SEC16A: variants seen among roughly 807,000 people sequenced by gnomAD.
SEC16A encodes protein transport protein Sec16A.
In SEC16A, 110 loss-of-function variants were observed where a neutral mutation model predicts 221.9. The ratio of observed to expected loss-of-function variants is 0.50; its 90% CI spans 0.42 to 0.58. The LOEUF (loss-of-function observed/expected upper bound fraction) is 0.58. Ranked by LOEUF, SEC16A falls within the 20% of genes least tolerant of loss-of-function variation. The pLI is 0.00. For synonymous variants in SEC16A, 1,393 were observed against 1,257.7 expected, an observed-to-expected ratio of 1.11 and a Z score of -2.28; for missense variants, 3,165 against 3,097.8, an observed-to-expected ratio of 1.02 and a Z score of -0.52.
At chr9:136,483,780 G>A, upstream of SEC16A, 1 of 985,484 alleles carries the variant, frequency 1.0e-6, no homozygotes, top group Non-Finnish European at 1.2e-6. Flanking sequence ...TGGGCTGGGA[G>A]GCTGGAGGGC....
chr9:136,477,467 G>C lies in SEC16A; in HGVS notation c.149C>G (p.Pro50Arg), dbSNP rs369124445. 1.9e-6 allele frequency: 3 copies of C among 1,614,016 alleles called. No individual in the cohort carries two copies. The highest frequency in any genetic ancestry group is 2.2e-5 in the South Asian group (2 of 91,088). ...ACTAAAAGCAAATGGATCCGTGACCGGCTGCAACGGGCAAGTTGTCGGAGC... is the reference window on the plus strand; with the variant it reads ...ACTAAAAGCAAATGGATCCGTGACCCGCTGCAACGGGCAAGTTGTCGGAGC... Reference protein sequence around the residue: ...AVAPTTCPLQPVTDPFAFSRQ... With the variant: ...AVAPTTCPLQRVTDPFAFSRQ... The change falls in exon 3 of 32, where the codon CCG becomes CGG. Residue 50 changes from proline (P) to arginine (R), a missense_variant. Pro to Arg is a moderately radical substitution (Grantham distance 103). Around this residue, in one of 3 missense-constraint regions of SEC16A, gnomAD observed 2,030 missense variants for 1,923.1 expected, o/e 1.06. Coordinates refer to ENST00000684901, the MANE Select transcript of SEC16A (RefSeq NM_014866.2).
Position 136,447,786 on chromosome 9 carries a change from A to G in SEC16A, c.6447+67T>C. ...GGGGCAACAGCCACCCAAATATCAC[A>G]GGGCCACATGAGGCTGTTCCCTCCA... is the stretch of plus-strand genomic sequence containing the variant. On this transcript the variant is annotated intron_variant, in intron 25 of 31. Coordinates refer to ENST00000684901, the MANE Select transcript of SEC16A (RefSeq NM_014866.2). The surrounding 1 kb of genome is among the most constrained non-coding windows in gnomAD (Gnocchi z 5.5). The G allele has an allele frequency of 1.9e-6, 3 of 1,553,546 alleles. No individual in the cohort carries two copies. The highest frequency in any genetic ancestry group is 2.6e-6 in the Non-Finnish European group (3 of 1,133,626).
Position 136,441,544 on chromosome 9 carries a change from T to A in SEC16A, c.*211A>T, listed in dbSNP as rs987504850. Reference sequence around the variant, plus strand: ...AAACAATTCTGAGTCAAAGATTCAGTCTTTCCATCCAGAATCTGAAAGGAT... The same window carrying A: ...AAACAATTCTGAGTCAAAGATTCAGACTTTCCATCCAGAATCTGAAAGGAT... On this transcript the variant is annotated 3_prime_UTR_variant, in exon 32 of 32. Transcript: ENST00000684901. 16 of 576,252 alleles carry A rather than the reference T, an allele frequency of 2.8e-5. No individual in the cohort carries two copies. The African/African-American group carries it at 3.0e-4, about 11-fold the overall frequency. The allele number at this position is 576,252 out of a possible 1,614,324, so 35.7% of individuals were successfully genotyped here. A position where few individuals can be genotyped will look rare whatever the true frequency, so the allele number is the denominator to read the frequency against.
intron 22 of SEC16A, among the ~76,000 whole-genome samples, chr9:136,452,451 A>G (rs1461115751): frequency 3.5e-4 from 33 of 93,094 alleles, no homozygotes; most frequent in Non-Finnish European, 7.0e-4. Flanking sequence ...CTCCATCTCA[A>G]AAAAAAAAAA....
rs772515056 is a variant in SEC16A at position 136,459,579 on chromosome 9, C to T, written c.5192-24G>A. 1.9e-5 allele frequency: 29 copies of T among 1,543,558 alleles called. No individual in the cohort carries two copies. Among genetic ancestry groups the T allele is most frequent in the South Asian group, 3.5e-5 (3 of 85,110 alleles). Reference sequence around the variant, plus strand: ...AGCTGCGGAGAGACGACACGACACACGGCGGGGGCTCAGCGACCGGGAGCG... The same window carrying T: ...AGCTGCGGAGAGACGACACGACACATGGCGGGGGCTCAGCGACCGGGAGCG... On this transcript the variant is annotated intron_variant, in intron 15 of 31. Coordinates refer to ENST00000684901, the MANE Select transcript of SEC16A (RefSeq NM_014866.2). This position sits in a 1 kb window ranked among gnomAD's most constrained non-coding sequence, Gnocchi z 6.1.
At chr9:136,482,352 T>C (rs1484994003) in intron 1 of SEC16A, among the ~76,000 whole-genome samples, 2 of 152,230 alleles carry the variant, frequency 1.3e-5, no homozygotes, top group Non-Finnish European at 2.9e-5. Context: ...TTACAAGCCA[T>C]TTAAAAGTGT....
In SEC16A at chr9:136,480,657, C is replaced by A. The variant is rs1017450234; in HGVS notation, c.-191-1827G>T. On this transcript the variant is annotated intron_variant, in intron 1 of 31. Coordinates refer to ENST00000684901, the MANE Select transcript of SEC16A (RefSeq NM_014866.2). Reference sequence around the variant, plus strand: ...CTGTAATCCCAGCACTTTGGGAGGCCGAGGCGGGCAGATCAAGAGGTCAGA... The same window carrying A: ...CTGTAATCCCAGCACTTTGGGAGGCAGAGGCGGGCAGATCAAGAGGTCAGA... Among the ~76,000 whole-genome samples the A allele has an allele frequency of 2.6e-5, 4 of 152,142 alleles. No individual in the cohort carries two copies. In the South Asian group the frequency reaches 8.3e-4, roughly 31 times the overall value.
At chr9:136,483,486 T>C (rs7045859), upstream of SEC16A, 36 of 795,824 alleles carry the variant, frequency 4.5e-5, no homozygotes, top group African/African-American at 6.1e-5. Flanking sequence ...CCCGCCCCCC[T>C]CCGGCGTCCG....
In SEC16A at chr9:136,457,570, G is replaced by C. The variant is rs1838858748; in HGVS notation, c.5424C>G (p.Ile1808Met). 1 of 1,610,568 alleles carries C rather than the reference G, an allele frequency of 6.2e-7. No individual in the cohort carries two copies. The highest frequency in any genetic ancestry group is 8.5e-7 in the Non-Finnish European group (1 of 1,178,188). The stretch of plus-strand genomic sequence containing the variant: ...CCATTTCCGCCAGGCGGCAGGAGTA[G>C]ATGAACTTAAACACCTGAAACGACA... ...PLPSFQVFKF[I>M]YSCRLAEMGL... Residue 1808 changes from isoleucine to methionine, a missense_variant, in exon 18 of 32, where the codon ATC (isoleucine) becomes ATG (methionine). Ile to Met is a conservative substitution (Grantham distance 10, BLOSUM62 1). Around this residue, in one of 3 missense-constraint regions of SEC16A, gnomAD observed 1,088 missense variants for 1,089.6 expected, o/e 1.00. Transcript: ENST00000684901.
chr9:136,458,671 C>A (rs560122174), intron 17 of SEC16A, among the ~76,000 whole-genome samples: 1 of 151,442 alleles, frequency 6.6e-6, no homozygotes, highest in Non-Finnish European at 1.5e-5. Context: ...CGGTGGCTCA[C>A]GCCTGTAATC....
chr9:136,468,359 G>A (rs1000414466), intron 5 of SEC16A, 56 bp downstream of exon 5: 14 of 1,088,132 alleles, frequency 1.3e-5, no homozygotes, highest in Non-Finnish European at 1.8e-5. Flanking sequence ...CATGTCATCA[G>A]TGTCTTTTGC....
At chr9:136,456,603 A>G (rs1838709373) in intron 18 of SEC16A, among the ~76,000 whole-genome samples, 1 of 152,264 alleles carries the variant, frequency 6.6e-6, no homozygotes, top group African/African-American at 2.4e-5. Flanking sequence ...GGACGCATGC[A>G]TGAATGACTC....
chr9:136,462,411 C>T (rs950502850), intron 12 of SEC16A, among the ~76,000 whole-genome samples: 1 of 152,214 alleles, frequency 6.6e-6, no homozygotes, highest in South Asian at 2.1e-4. Flanking sequence ...GCTGCTGTGA[C>T]CCCAGTCACT....
chr9:136,460,163 A>G (rs1839282971), intron 13 of SEC16A, 40 bp from the exon 14 acceptor site: 2 of 1,539,364 alleles, frequency 1.3e-6, no homozygotes, highest in East Asian at 4.8e-5. Context: ...ATGCTGGCTC[A>G]GCTAAAAGAA....
chr9:136,478,646 G>A (rs995846610), intron 2 of SEC16A, among the ~76,000 whole-genome samples, 63 bp downstream of exon 2: 1 of 151,642 alleles, frequency 6.6e-6, no homozygotes, highest in Non-Finnish European at 1.5e-5. Flanking sequence ...GACCAGCCTG[G>A]GCAACATAGC....
intron 8 of SEC16A, 116 bp from the exon 9 acceptor site, chr9:136,464,678 T>TCG: frequency 1.1e-6 from 1 of 924,362 alleles, no homozygotes; most frequent in Non-Finnish European, 1.6e-6. Flanking sequence ...CACGACAGAC[T>TCG]TCCAACTCAA....
At chr9:136,465,872 T>C (rs1588961468) in intron 8 of SEC16A, 90 bp downstream of exon 8, 1 of 1,350,310 alleles carries the variant, frequency 7.4e-7, no homozygotes, top group Non-Finnish European at 1.0e-6. Context: ...ACAATTCCAA[T>C]CCCAGCCCTG....
intron 20 of SEC16A, among the ~76,000 whole-genome samples, 174 bp from the exon 21 acceptor site, chr9:136,454,501 T>C (rs1196824155): frequency 1.3e-5 from 2 of 152,150 alleles, no homozygotes; most frequent in East Asian, 1.9e-4. Context: ...GCACCATCCG[T>C]GGTTTGCAGA....
chr9:136,480,185 A>G (rs889187595), intron 1 of SEC16A, among the ~76,000 whole-genome samples: 1 of 152,212 alleles, frequency 6.6e-6, no homozygotes, highest in Non-Finnish European at 1.5e-5. Flanking sequence ...CACTGGCATT[A>G]TCTTCCACTG....
Sources: gnomAD v4.1 joint callset for allele counts (sites outside exome capture counted in the v4.1 genomes callset) on GRCh38, gnomAD v4.1.1 for gene constraint, gnomAD v4.1.1 regional missense constraint, Gnocchi (gnomAD v3.1) non-coding constraint, MANE v1.5 for transcripts, NCBI Gene and HGNC (gene_info 2026-07-23, HGNC 2026-07-21) for gene names.